The following POLR3B variants were observed in gnomAD, a reference collection of about 807,000 sequenced individuals.
POLR3B encodes RNA polymerase III subunit B, also known as DNA-directed RNA polymerase III subunit RPC2.
A neutral mutation model predicts 147.4 loss-of-function variants in POLR3B; 96 were observed. The observed-to-expected ratio is 0.65, with a 90% CI of 0.55 to 0.77. The LOEUF (loss-of-function observed/expected upper bound fraction) is 0.77. Ranked by LOEUF, POLR3B falls within the 30% of genes least tolerant of loss-of-function variation. The pLI is 0.00. For synonymous variants in POLR3B, 461 were observed against 485.9 expected (o/e 0.95, Z 0.67); for missense variants, 1,036 against 1,413.5 (o/e 0.73, Z 4.28).
chr12:106,497,355 T>C (rs1196948578), intron 25 of POLR3B, among the ~76,000 whole-genome samples: 1 of 151,972 alleles, frequency 6.6e-6, no homozygotes, highest in African/African-American at 2.4e-5. Context: ...TGAGGAGTGC[T>C]GTTTGTACTG....
At position 106,471,570 on chromosome 12, in the gene POLR3B, C is replaced by G. The variant is rs150999681; in HGVS notation, c.2713+7950C>G. Among the ~76,000 whole-genome samples, 209 of 152,084 alleles carry G rather than the reference C, an allele frequency of 1.4e-3. 2 individuals carry two copies. The highest frequency in any genetic ancestry group is 4.7e-3 in the African/African-American group (196 of 41,464). On this transcript the variant is annotated intron_variant, in intron 23 of 27. Coordinates refer to ENST00000228347, the MANE Select transcript of POLR3B (RefSeq NM_018082.6). ...ATCAATCTCCCTGGGAGCTATAGACCAGAGCCATTCCTATTTGGCCATCTT... is the reference window on the plus strand; with the variant it reads ...ATCAATCTCCCTGGGAGCTATAGACGAGAGCCATTCCTATTTGGCCATCTT...
chr12:106,387,023 T>G (rs1049304737), intron 9 of POLR3B, among the ~76,000 whole-genome samples: 4 of 152,234 alleles, frequency 2.6e-5, no homozygotes, highest in African/African-American at 9.6e-5. Context: ...AGAATAGGGC[T>G]GTAAATTAAC....
chr12:106,496,832 C>T lies in POLR3B; in HGVS notation c.2898C>T (p.Gly966=). 1 of 1,613,958 alleles carries T rather than the reference C, an allele frequency of 6.2e-7. No homozygotes were observed. The highest frequency in any genetic ancestry group is 1.1e-5 in the South Asian group (1 of 91,074). ...GRFHYGTAFG[G]SKVKDVCEDL... Reference sequence around the variant, plus strand: ...TCCACTACGGCACTGCGTTTGGAGGCAGTAAAGTGAAGGATGTGTGTGAGG... The same window carrying T: ...TCCACTACGGCACTGCGTTTGGAGGTAGTAAAGTGAAGGATGTGTGTGAGG... The change falls in exon 25 of 28, where the codon GGC becomes GGT. Residue 966 remains glycine, a synonymous_variant. Coordinates refer to ENST00000228347, the MANE Select transcript of POLR3B (RefSeq NM_018082.6).
At chr12:106,425,977 T>C (rs1593034266) in intron 12 of POLR3B, among the ~76,000 whole-genome samples, 1 of 152,068 alleles carries the variant, frequency 6.6e-6, no homozygotes, top group East Asian at 1.9e-4. Flanking sequence ...GATTTTGTGG[T>C]TAGTTATTTT....
Position 106,378,169 on chromosome 12 carries a change from T to C in POLR3B, c.497-98T>C, listed in dbSNP as rs186465519. 21 of 798,456 alleles carry C rather than the reference T, an allele frequency of 2.6e-5. No homozygotes were observed. The East Asian group carries it at 3.7e-4, about 14-fold the overall frequency. The allele number at this position is 798,456 out of a possible 1,614,324, so 49.5% of individuals were successfully genotyped here. A position where few individuals can be genotyped will look rare whatever the true frequency, so the allele number is the denominator to read the frequency against. ...GTTAGCCAGTGCCATGAAGCAGTAG[T>C]AGAAAAGGTAATCTCTGATTCACAA... On this transcript the variant is annotated intron_variant, in intron 7 of 27. Transcript: ENST00000228347.
intron 9 of POLR3B, among the ~76,000 whole-genome samples, chr12:106,385,114 G>A (rs569337888): frequency 3.3e-4 from 51 of 152,252 alleles, no homozygotes; most frequent in Middle Eastern, 3.4e-3. Flanking sequence ...AAGCCACAGC[G>A]CCTGGCCTTA....
chr12:106,361,609 G>T (rs76674981), intron 1 of POLR3B, among the ~76,000 whole-genome samples: 2,586 of 152,208 alleles, frequency 0.017, 43 homozygotes, highest in South Asian at 0.069. Context: ...GGATAGACAG[G>T]GTCACTGCCC....
chr12:106,409,346 G>GTT (rs138257827), intron 11 of POLR3B, among the ~76,000 whole-genome samples: 4,494 of 67,180 alleles, frequency 0.067, 667 homozygotes, highest in African/African-American at 0.15. Context: ...TTGTAAGAGG[G>GTT]TTTTTTTTGT....
chr12:106,476,562 A>G (rs1206012864), intron 23 of POLR3B, among the ~76,000 whole-genome samples: 5 of 122,676 alleles, frequency 4.1e-5, no homozygotes, highest in Non-Finnish European at 8.4e-5. Context: ...GGCTTTGCTC[A>G]TTTCTTTTTA....
chr12:106,499,388 A>T (rs759553440), intron 25 of POLR3B, among the ~76,000 whole-genome samples: 2 of 152,182 alleles, frequency 1.3e-5, no homozygotes, highest in Non-Finnish European at 2.9e-5. Context: ...GCCTTCCCCT[A>T]TGCCCCCAGC....
chr12:106,393,801 CACA>C lies in POLR3B; in HGVS notation c.846+649_846+651del, dbSNP rs1170031522. Among the ~76,000 whole-genome samples the C allele has an allele frequency of 3.1e-3, 464 of 149,944 alleles. 2 individuals carry two copies. Among genetic ancestry groups the C allele is most frequent in the African/African-American group, 9.5e-3 (376 of 39,712 alleles). ...ACACACACACACACACACACACACA[CACA>C]CCCCATAGTAAAAATAATTGCACTT... On this transcript the variant is annotated intron_variant, in intron 10 of 27. Coordinates refer to ENST00000228347, the MANE Select transcript of POLR3B (RefSeq NM_018082.6).
intron 19 of POLR3B, among the ~76,000 whole-genome samples, chr12:106,447,359 A>G (rs7965520): frequency 0.39 from 59,829 of 151,996 alleles, 14,005 homozygotes; most frequent in African/African-American, 0.66. Flanking sequence ...CTTACCTTCT[A>G]TGTAAGAGAG....
At chr12:106,425,667 A>G (rs141301886) in intron 12 of POLR3B, among the ~76,000 whole-genome samples, 4 of 152,318 alleles carry the variant, frequency 2.6e-5, no homozygotes, top group African/African-American at 9.6e-5. Flanking sequence ...AGCACTCCAC[A>G]GAAAGGAACT....
chr12:106,358,280 C>T, intron 1 of POLR3B: 1 of 1,277,870 alleles, frequency 7.8e-7, no homozygotes, highest in Non-Finnish European at 1.0e-6. Flanking sequence ...TGCATGTTTG[C>T]AGTCTTACAG....
chr12:106,413,435 T>C (rs987161363), intron 12 of POLR3B, among the ~76,000 whole-genome samples: 16 of 152,138 alleles, frequency 1.1e-4, no homozygotes, highest in Non-Finnish European at 2.4e-4. Flanking sequence ...TCCTTCTGCC[T>C]CAGGTTCCCT....
intron 10 of POLR3B, among the ~76,000 whole-genome samples, chr12:106,402,442 C>T (rs965829852): frequency 2.0e-5 from 3 of 152,132 alleles, no homozygotes; most frequent in Admixed American, 6.5e-5. Context: ...ACTTTCTTCA[C>T]AGAATTGGAA....
At position 106,444,512 on chromosome 12, in the gene POLR3B, G is replaced by C. The variant is rs1565898536; in HGVS notation, c.2005G>C (p.Ala669Pro). The change falls in exon 19 of 28, where the codon GCT (alanine) becomes CCT (proline). Residue 669 changes from alanine (A) to proline (P), a missense_variant. By Grantham distance (27) the Ala-to-Pro change is conservative. Transcript: ENST00000228347. ...ACCCTTCACTCTTCTCGGCGTGTGTGCTGGACTTATCCCATACCCTCACCA... is the reference window on the plus strand; with the variant it reads ...ACCCTTCACTCTTCTCGGCGTGTGTCCTGGACTTATCCCATACCCTCACCA... Reference protein sequence around the residue: ...IEPFTLLGVCAGLIPYPHHNQ... With the variant: ...IEPFTLLGVCPGLIPYPHHNQ... The C allele has an allele frequency of 6.2e-7, 1 of 1,613,904 alleles. No homozygotes were observed. The highest frequency in any genetic ancestry group is 8.5e-7 in the Non-Finnish European group (1 of 1,179,926).
chr12:106,378,776 A>G (rs1353218927), intron 8 of POLR3B, among the ~76,000 whole-genome samples: 1 of 152,138 alleles, frequency 6.6e-6, no homozygotes, highest in East Asian at 1.9e-4. Flanking sequence ...ACTATTTGAC[A>G]CTTAATATTG....
chr12:106,409,440 A>G (rs1466957800), intron 11 of POLR3B, among the ~76,000 whole-genome samples: 1 of 147,652 alleles, frequency 6.8e-6, no homozygotes, highest in Non-Finnish European at 1.5e-5. Flanking sequence ...TGTGGGTACA[A>G]GATAACAAAG....
Sources: gnomAD v4.1 joint callset for allele counts (sites outside exome capture counted in the v4.1 genomes callset) on GRCh38, gnomAD v4.1.1 for gene constraint, MANE v1.5 for transcripts, NCBI Gene and HGNC (gene_info 2026-07-23, HGNC 2026-07-21) for gene names.